The following WWOX variants were observed in gnomAD, a reference collection of about 807,000 sequenced individuals.
WWOX encodes the protein WW domain containing oxidoreductase.
In WWOX, 69 loss-of-function variants were observed where a neutral mutation model predicts 46.2. The observed-to-expected ratio is 1.49, with a 90% CI of 1.23 to 1.82. The LOEUF is 1.82. WWOX is among the 40% of genes most tolerant of loss of function. WWOX has a pLI of 0.00. For missense variants in WWOX, 919 were observed against 542.6 expected (o/e 1.69, Z -6.89); for synonymous variants, 359 against 202.6 (o/e 1.77, Z -6.56).
intron 5 of WWOX, among the ~76,000 whole-genome samples, chr16:78,364,385 A>G (rs985787561): frequency 3.9e-5 from 6 of 152,166 alleles, no homozygotes; most frequent in Admixed American, 6.5e-5. Flanking sequence ...TTTATTAACC[A>G]TTTACTTGGC....
chr16:78,879,413 T>C (rs2044297159), intron 8 of WWOX, among the ~76,000 whole-genome samples: 1 of 151,972 alleles, frequency 6.6e-6, no homozygotes, highest in African/African-American at 2.4e-5. Flanking sequence ...CTTCATGCCA[T>C]AAGGGCAAAA....
intron 4 of WWOX, among the ~76,000 whole-genome samples, chr16:78,140,178 A>G (rs1428523387): frequency 6.6e-6 from 1 of 152,152 alleles, no homozygotes; most frequent in African/African-American, 2.4e-5. Context: ...TTTGAGTAAA[A>G]TGGAGCTGTG....
At chr16:78,726,392 A>T (rs1371441295) in intron 8 of WWOX, among the ~76,000 whole-genome samples, 1 of 151,734 alleles carries the variant, frequency 6.6e-6, no homozygotes, top group East Asian at 1.9e-4. Flanking sequence ...CACGTGGCGT[A>T]TTTTTAAATT....
At chr16:78,854,906 CTTT>C (rs11324333) in intron 8 of WWOX, among the ~76,000 whole-genome samples, 27 of 141,322 alleles carry the variant, frequency 1.9e-4, no homozygotes, top group Non-Finnish European at 2.4e-4. Context: ...TGAACAGCAG[CTTT>C]TTTTTTTTTT....
chr16:78,954,549 T>C (rs1440527533), intron 8 of WWOX, among the ~76,000 whole-genome samples: 3 of 152,166 alleles, frequency 2.0e-5, no homozygotes. Flanking sequence ...ATTTCCTTTA[T>C]ATACTTGTGG....
chr16:79,142,603 C>G (rs1460381497), intron 8 of WWOX, among the ~76,000 whole-genome samples: 3 of 152,100 alleles, frequency 2.0e-5, no homozygotes, highest in Non-Finnish European at 4.4e-5. Context: ...TGAAAAATCA[C>G]AGAGTCCATT....
At chr16:78,824,831 C>G (rs2051604331) in intron 8 of WWOX, among the ~76,000 whole-genome samples, 1 of 152,136 alleles carries the variant, frequency 6.6e-6, no homozygotes, top group Non-Finnish European at 1.5e-5. Flanking sequence ...TGGGTGGAGA[C>G]ACACCCAAAG....
At chr16:78,206,709 T>C (rs2036406880) in intron 5 of WWOX, among the ~76,000 whole-genome samples, 1 of 152,154 alleles carries the variant, frequency 6.6e-6, no homozygotes, top group South Asian at 2.1e-4. Flanking sequence ...GTTCAGATAT[T>C]GGGCTGAATG....
In WWOX at chr16:78,516,412, A is replaced by G. The variant is rs113324139; in HGVS notation, c.1056+83660A>G. ...AGTTGTGTAATATTCCATACTACAG[A>G]TATTCTGTTATTTATGGTAGCTAGA... On this transcript the variant is annotated intron_variant, in intron 8 of 8. Coordinates refer to ENST00000566780, the MANE Select transcript of WWOX (RefSeq NM_016373.4). Among the ~76,000 whole-genome samples, 371 of 152,274 alleles carry G rather than the reference A, an allele frequency of 2.4e-3. 6 individuals are homozygous for G. The highest frequency in any genetic ancestry group is 8.0e-3 in the African/African-American group (333 of 41,556).
chr16:78,947,201 A>C (rs977613435), intron 8 of WWOX, among the ~76,000 whole-genome samples: 1 of 152,144 alleles, frequency 6.6e-6, no homozygotes, highest in African/African-American at 2.4e-5. Context: ...CAATGAAATA[A>C]ATTAGGATAA....
chr16:79,091,065 G>C (rs2048950017), intron 8 of WWOX, among the ~76,000 whole-genome samples: 1 of 152,116 alleles, frequency 6.6e-6, no homozygotes, highest in Non-Finnish European at 1.5e-5. Flanking sequence ...TGGGATTATA[G>C]GCACAAGCCA....
At chr16:79,193,058 A>G (rs915309114) in intron 8 of WWOX, among the ~76,000 whole-genome samples, 4 of 152,198 alleles carry the variant, frequency 2.6e-5, no homozygotes, top group African/African-American at 7.2e-5. Context: ...AGAGTTGCCA[A>G]TTCTCTACGA....
rs1321923676 is a variant in WWOX at position 78,162,971 on chromosome 16, C to G, written c.410-1212C>G. Among the ~76,000 whole-genome samples the G allele has an allele frequency of 2.0e-5, 3 of 151,876 alleles. No individual in the cohort carries two copies. In the East Asian group the frequency reaches 5.8e-4, roughly 29 times the overall value. ...ATCTATTTGAATTTTTTTATTGTTTCTAATTCCCTGGCAAAATTCTCCATC... is the reference window on the plus strand; with the variant it reads ...ATCTATTTGAATTTTTTTATTGTTTGTAATTCCCTGGCAAAATTCTCCATC... On this transcript the variant is annotated intron_variant, in intron 4 of 8. Coordinates refer to ENST00000566780, the MANE Select transcript of WWOX (RefSeq NM_016373.4).
At chr16:79,044,200 G>A (rs1735633413) in intron 8 of WWOX, among the ~76,000 whole-genome samples, 1 of 152,124 alleles carries the variant, frequency 6.6e-6, no homozygotes, top group Admixed American at 6.6e-5. Context: ...CACAGTGTAG[G>A]CATTCAACAA....
At chr16:78,674,964 A>G (rs185025013) in intron 8 of WWOX, among the ~76,000 whole-genome samples, 2 of 152,242 alleles carry the variant, frequency 1.3e-5, no homozygotes, top group African/African-American at 4.8e-5. Context: ...TTATCCCCTC[A>G]GTGAAACATG....
chr16:79,051,664 T>C (rs984356951), intron 8 of WWOX, among the ~76,000 whole-genome samples: 1 of 152,232 alleles, frequency 6.6e-6, no homozygotes, highest in African/African-American at 2.4e-5. Flanking sequence ...AGCAATTGAA[T>C]TTGATTTGCA....
At chr16:78,163,092 T>C (rs144607813) in intron 4 of WWOX, among the ~76,000 whole-genome samples, 2 of 152,356 alleles carry the variant, frequency 1.3e-5, no homozygotes, top group African/African-American at 4.8e-5. Context: ...TTTATTTCCA[T>C]TTGTTCCCCT....
chr16:79,161,084 C>T (rs1006812770), intron 8 of WWOX, among the ~76,000 whole-genome samples: 1 of 152,198 alleles, frequency 6.6e-6, no homozygotes, highest in Non-Finnish European at 1.5e-5. Flanking sequence ...ACAAACACCT[C>T]TAGGTATTGT....
chr16:78,525,466 T>G (rs2043442531), intron 8 of WWOX: 1 of 152,098 alleles, frequency 6.6e-6, no homozygotes, highest in Non-Finnish European at 1.5e-5. Flanking sequence ...ATTACAGGCA[T>G]TAGCCACCAC....
Sources: gnomAD v4.1 joint callset for allele counts (sites outside exome capture counted in the v4.1 genomes callset) on GRCh38, gnomAD v4.1.1 for gene constraint, MANE v1.5 for transcripts, NCBI Gene and HGNC (gene_info 2026-07-23, HGNC 2026-07-21) for gene names.